Variants in MGAT4D observed in about 807,000 individuals in gnomAD.
MGAT4D encodes the protein alpha-1,3-mannosyl-glycoprotein 4-beta-N-acetylglucosaminyltransferase-like protein MGAT4D.
MGAT4D carries 34 observed loss-of-function variants against 15.9 expected under a neutral mutation model. The observed-to-expected ratio is 2.14, with a 90% CI of 1.62 to 2.84. The LOEUF is 2.84. Among genes scored for constraint, MGAT4D ranks in the 30% most tolerant of loss-of-function variants. The pLI is 0.00. For missense variants in MGAT4D, 327 were observed against 140.2 expected (o/e 2.33, Z -6.73); for synonymous variants, 112 against 48.2 (o/e 2.33, Z -5.49).
rs12505221 is a variant in MGAT4D, at chr4:140,461,967, A to T, written c.724T>A (p.Leu242Met). Reference protein sequence around the residue: ...IKQVLDFCILLLYAQPKAKYY... With the variant: ...IKQVLDFCILMLYAQPKAKYY... Reference sequence around the variant, plus strand: ...TTGGCCTTGGGTTGGGCATACAGCAACAAAATGCAAAAATCCAATACCTGT... The same window carrying T: ...TTGGCCTTGGGTTGGGCATACAGCATCAAAATGCAAAAATCCAATACCTGT... The change falls in exon 7 of 11, where the codon TTG (leucine) becomes ATG (methionine). Residue 242 changes from leucine (L) to methionine (M), a missense_variant. By Grantham distance (15) the Leu-to-Met change is conservative. Coordinates refer to ENST00000511113, the MANE Select transcript of MGAT4D (RefSeq NM_001277353.2). 181,372 of 699,112 alleles carry T rather than the reference A, an allele frequency of 0.26. 24,910 individuals carry two copies. The highest frequency in any genetic ancestry group is 0.36 in the South Asian group (24,299 of 66,756). The allele number at this position is 699,112 out of a possible 1,614,324, so 43.3% of individuals were successfully genotyped here.
chr4:140,493,335 A>G (rs185657779), intron 1 of MGAT4D, among the ~76,000 whole-genome samples: 3 of 125,886 alleles, frequency 2.4e-5, no homozygotes, highest in African/African-American at 9.3e-5. Flanking sequence ...TCGTTCTGTC[A>G]CCCAGGTTGG....
rs865869974 is a variant in MGAT4D at position 140,461,999 on chromosome 4, C to T, written c.692G>A (p.Arg231Gln). ...AEASQKLASW[R>Q]IKQVLDFCIL... ...GCAAAAATCCAATACCTGTTTGATT[C>T]GCCAACTAAAGGTAATCAATAAGAT... Residue 231 changes from arginine (R) to glutamine (Q), a missense_variant, in exon 7 of 11, where the codon CGA (arginine) becomes CAA (glutamine). Physicochemically the swap from Arg to Gln is conservative, Grantham distance 43. Coordinates refer to ENST00000511113, the MANE Select transcript of MGAT4D (RefSeq NM_001277353.2). The T allele has an allele frequency of 1.2e-4, 86 of 700,672 alleles. 1 individual carries two copies. The Middle Eastern group carries it at 8.3e-3, about 67-fold the overall frequency. The allele number at this position is 700,672 out of a possible 1,614,324, so 43.4% of individuals were successfully genotyped here.
chr4:140,461,626 TTC>T (rs1731180390), intron 7 of MGAT4D, among the ~76,000 whole-genome samples: 1 of 152,006 alleles, frequency 6.6e-6, no homozygotes, highest in Non-Finnish European at 1.5e-5. Context: ...GGCATACAAT[TTC>T]GTTTTTTTGA....
intron 10 of MGAT4D, among the ~76,000 whole-genome samples, chr4:140,447,835 C>T (rs1730228617): frequency 6.6e-6 from 1 of 152,138 alleles, no homozygotes; most frequent in East Asian, 1.9e-4. Flanking sequence ...TTTGCATTGG[C>T]TGGTAACAGT....
intron 6 of MGAT4D, among the ~76,000 whole-genome samples, chr4:140,464,238 C>A (rs1731379528): frequency 6.6e-6 from 1 of 152,150 alleles, no homozygotes; most frequent in Non-Finnish European, 1.5e-5. Flanking sequence ...TGATTTCTGG[C>A]ATGTCTTTTT....
chr4:140,476,889 C>T (rs1232363012), intron 3 of MGAT4D, among the ~76,000 whole-genome samples: 1 of 152,130 alleles, frequency 6.6e-6, no homozygotes, highest in Non-Finnish European at 1.5e-5. Context: ...GTAACTCATT[C>T]CTATCTAGAA....
At chr4:140,497,850 G>A (rs1390024600) in intron 1 of MGAT4D, among the ~76,000 whole-genome samples, 1 of 152,262 alleles carries the variant, frequency 6.6e-6, no homozygotes, top group Non-Finnish European at 1.5e-5. Flanking sequence ...TGAGGAAAAG[G>A]GAGCGGCGGG....
Position 140,498,144 on chromosome 4 carries a change from T to G in MGAT4D, c.79A>C (p.Arg27=). 1.4e-6 allele frequency: 1 copy of G among 702,528 alleles called. No homozygotes were observed. Among genetic ancestry groups the G allele is most frequent in the South Asian group, 1.5e-5 (1 of 67,572 alleles). The allele number at this position is 702,528 out of a possible 1,614,324, so 43.5% of individuals were successfully genotyped here. ...CGCCGCTTACTGGTTTGAGTTATCC[T>G]GTAGATGGAGAAGCAAGAGAAGCTG... is the stretch of plus-strand genomic sequence containing the variant. ...LFSFSCFSIY[R]ITQTNNQLIN... Residue 27 remains arginine (R), a synonymous_variant, in exon 1 of 11, where the codon AGG becomes CGG. Coordinates refer to ENST00000511113, the MANE Select transcript of MGAT4D (RefSeq NM_001277353.2).
chr4:140,494,008 G>A (rs1449029726), intron 1 of MGAT4D, among the ~76,000 whole-genome samples: 1 of 152,150 alleles, frequency 6.6e-6, no homozygotes, highest in East Asian at 1.9e-4. Flanking sequence ...GCTTTTCCAA[G>A]GGAGGTAGCT....
chr4:140,468,495 T>G (rs1238462759), intron 5 of MGAT4D, among the ~76,000 whole-genome samples: 1 of 152,216 alleles, frequency 6.6e-6, no homozygotes, highest in Non-Finnish European at 1.5e-5. Context: ...TGCCTTCTTT[T>G]TAATTGATTC....
At chr4:140,475,726 C>T (rs550643517) in intron 3 of MGAT4D, among the ~76,000 whole-genome samples, 84 of 141,512 alleles carry the variant, frequency 5.9e-4, no homozygotes, top group African/African-American at 2.0e-3. Flanking sequence ...GAAGTACTTA[C>T]TTAAGAAAAA....
chr4:140,446,051 C>T (rs1425309863), intron 10 of MGAT4D, among the ~76,000 whole-genome samples: 2 of 152,086 alleles, frequency 1.3e-5, no homozygotes, highest in Admixed American at 6.5e-5. Flanking sequence ...TTTTGATGTG[C>T]TGCTGGATTT....
intron 6 of MGAT4D, among the ~76,000 whole-genome samples, chr4:140,462,920 T>C (rs796744588): frequency 5.3e-5 from 8 of 152,242 alleles, no homozygotes; most frequent in African/African-American, 1.9e-4. Context: ...TGCAGCAACA[T>C]ACCAGGAAAA....
intron 8 of MGAT4D, chr4:140,457,449 ATTTTAATT>A (rs1327291079): frequency 2.0e-5 from 3 of 152,112 alleles, no homozygotes; most frequent in African/African-American, 4.8e-5. Context: ...GTATAATTGT[ATTTTAATT>A]TTTTAATTTT....
intron 5 of MGAT4D, among the ~76,000 whole-genome samples, chr4:140,465,211 T>C (rs1464643800): frequency 6.6e-6 from 1 of 152,186 alleles, no homozygotes; most frequent in Non-Finnish European, 1.5e-5. Flanking sequence ...AAATACACAA[T>C]ATAAAATTAG....
intron 1 of MGAT4D, among the ~76,000 whole-genome samples, chr4:140,495,227 T>C (rs1404848111): frequency 1.3e-5 from 2 of 152,232 alleles, no homozygotes; most frequent in Non-Finnish European, 2.9e-5. Context: ...TATCCACACA[T>C]GATGCTTCCT....
intron 5 of MGAT4D, among the ~76,000 whole-genome samples, chr4:140,467,693 GA>G (rs1303647393): frequency 2.6e-5 from 4 of 152,014 alleles, no homozygotes; most frequent in Non-Finnish European, 5.9e-5. Flanking sequence ...AATTATATGG[GA>G]ATTGCTAGTT....
At chr4:140,448,132 T>C (rs1158752586) in intron 10 of MGAT4D, among the ~76,000 whole-genome samples, 4 of 152,206 alleles carry the variant, frequency 2.6e-5, no homozygotes, top group African/African-American at 7.2e-5. Flanking sequence ...CTGGCTGCCT[T>C]TAGCATTCTT....
intron 1 of MGAT4D, among the ~76,000 whole-genome samples, chr4:140,496,090 A>C (rs952286939): frequency 1.3e-5 from 2 of 152,220 alleles, no homozygotes; most frequent in African/African-American, 4.8e-5. Context: ...GGTGGTGGCC[A>C]TCTTTCTAAT....
Sources: allele counts gnomAD v4.1 joint callset (sites outside exome capture counted in the v4.1 genomes callset), GRCh38; gene constraint gnomAD v4.1.1; transcripts MANE v1.5; gene names NCBI Gene and HGNC (gene_info 2026-07-23, HGNC 2026-07-21).